Variants in NDUFA10 observed in about 807,000 individuals in gnomAD.
NDUFA10 encodes the protein NADH:ubiquinone oxidoreductase subunit A10, also known as NADH dehydrogenase [ubiquinone] 1 alpha subcomplex subunit 10, mitochondrial.
In NDUFA10, 40 loss-of-function variants were observed where a neutral mutation model predicts 47.8. The observed-to-expected ratio is 0.84, with a 90% CI of 0.65 to 1.09. The LOEUF (loss-of-function observed/expected upper bound fraction) is 1.09. Ranked by LOEUF, NDUFA10 falls within the 50% of genes least tolerant of loss-of-function variation. The pLI, the probability that NDUFA10 is intolerant of heterozygous loss-of-function variation, is 0.00. For missense variants in NDUFA10, 413 were observed against 451.1 expected (o/e 0.92, Z 0.76); for synonymous variants, 183 against 172.2 (o/e 1.06, Z -0.49).
At chr2:239,951,690 A>T (rs1694555462) in intron 4 of NDUFA10, among the ~76,000 whole-genome samples, 1 of 152,216 alleles carries the variant, frequency 6.6e-6, no homozygotes, top group Admixed American at 6.5e-5. Context: ...ATGGCAAGTA[A>T]AAGAAAATGT....
At chr2:239,951,688 TAAAAGA>T (rs906904111) in intron 4 of NDUFA10, among the ~76,000 whole-genome samples, 17 of 152,150 alleles carry the variant, frequency 1.1e-4, no homozygotes, top group Non-Finnish European at 2.4e-4. Flanking sequence ...TAATGGCAAG[TAAAAGA>T]AAATGTATAT....
At chr2:239,898,736 A>G (rs1050008976) in intron 4 of NDUFA10, among the ~76,000 whole-genome samples, 3 of 152,260 alleles carry the variant, frequency 2.0e-5, no homozygotes, top group Admixed American at 6.5e-5. Flanking sequence ...TCAACTCTGC[A>G]TCATCTTGGA....
At position 239,959,501 on chromosome 2, in the gene NDUFA10, G is replaced by A; in HGVS notation, c.*1617C>T. 4.1e-6 allele frequency: 4 copies of A among 985,480 alleles called. No individual in the cohort carries two copies. Among genetic ancestry groups the A allele is most frequent in the Non-Finnish European group, 4.8e-6 (4 of 829,946 alleles). The allele number at this position is 985,480 out of a possible 1,614,324, so 61.0% of individuals were successfully genotyped here. On this transcript the variant is annotated 3_prime_UTR_variant, in exon 10 of 10. Transcript: ENST00000252711. The stretch of plus-strand genomic sequence containing the variant: ...TCTGTGACTGGCCCAATGCCCAGCT[G>A]TGCTTTCATTTCATGATTAAAGCTG...
intron 9 of NDUFA10, chr2:239,969,538 C>T (rs1695226800): frequency 2.5e-6 from 1 of 404,066 alleles, no homozygotes; most frequent in South Asian, 1.8e-5. Context: ...GCCAGCTGTT[C>T]CTGTGGACAT....
chr2:240,004,115 C>T (rs541544998), intron 8 of NDUFA10, among the ~76,000 whole-genome samples: 1 of 152,214 alleles, frequency 6.6e-6, no homozygotes, highest in East Asian at 1.9e-4. Context: ...CCCCAGAAGG[C>T]AGCAGCTGGT....
At chr2:239,976,431 C>A (rs868045500) in intron 9 of NDUFA10, 19 of 152,616 alleles carry the variant, frequency 1.2e-4, no homozygotes, top group South Asian at 4.1e-4. Flanking sequence ...ACTGCCCCCC[C>A]CAAGACTCTA....
At chr2:239,917,424 C>T (rs748525297) in intron 4 of NDUFA10, among the ~76,000 whole-genome samples, 5 of 152,266 alleles carry the variant, frequency 3.3e-5, no homozygotes, top group South Asian at 2.1e-4. Context: ...GATTCCTGTT[C>T]TCTGTAACTA....
At chr2:239,969,362 G>A (rs1695217736) in intron 9 of NDUFA10, 1 of 208,666 alleles carries the variant, frequency 4.8e-6, no homozygotes. Flanking sequence ...AAGTGTGGTG[G>A]CCATGAAAAT....
rs1697471080 is a variant in NDUFA10, at chr2:240,018,629, A to G, written c.471T>C (p.Val157=). 2 of 1,614,066 alleles carry G rather than the reference A, an allele frequency of 1.2e-6. No homozygotes were observed. Among genetic ancestry groups the G allele is most frequent in the Non-Finnish European group, 1.7e-6 (2 of 1,180,038 alleles). ...CACTGAAGATGGAGCGCTCCAACAC[A>G]ACACCTTGTCCTGTTTAAACATAGG... ...LEHLLTTGQG[V]VLERSIFSDF... The change falls in exon 4 of 10, where the codon GTT becomes GTC. Residue 157 remains valine (V), a synonymous_variant. Transcript: ENST00000252711.
chr2:239,994,017 G>A (rs141574739), intron 8 of NDUFA10, among the ~76,000 whole-genome samples: 362 of 152,174 alleles, frequency 2.4e-3, no homozygotes, highest in African/African-American at 8.5e-3. Context: ...TGGCAGGCTC[G>A]AGCTCTCGAG....
intron 9 of NDUFA10, among the ~76,000 whole-genome samples, chr2:239,979,325 CT>C (rs1695671325): frequency 6.8e-6 from 1 of 147,694 alleles, no homozygotes; most frequent in Admixed American, 6.7e-5. Flanking sequence ...CCAGTGCTGG[CT>C]GAACTGGCTC....
chr2:239,963,411 G>A (rs1370725643), intron 9 of NDUFA10, among the ~76,000 whole-genome samples: 2 of 152,124 alleles, frequency 1.3e-5, no homozygotes, highest in African/African-American at 4.8e-5. Flanking sequence ...GACCGCAAGA[G>A]AGGGACGTGA....
intron 4 of NDUFA10, among the ~76,000 whole-genome samples, chr2:239,949,188 C>T (rs1694509099): frequency 6.6e-6 from 1 of 152,242 alleles, no homozygotes; most frequent in Non-Finnish European, 1.5e-5. Context: ...TCTTCCAACA[C>T]TGATACGGAT....
intron 8 of NDUFA10, among the ~76,000 whole-genome samples, chr2:240,000,746 T>G (rs1464901439): frequency 6.6e-6 from 1 of 152,208 alleles, no homozygotes; most frequent in African/African-American, 2.4e-5. Flanking sequence ...TTATTTTTTA[T>G]GTTTAGATAC....
At chr2:239,998,318 C>A (rs1465326620) in intron 8 of NDUFA10, among the ~76,000 whole-genome samples, 1 of 152,210 alleles carries the variant, frequency 6.6e-6, no homozygotes, top group Non-Finnish European at 1.5e-5. Context: ...AGTTCCCTTG[C>A]CCCTCTCTTA....
chr2:239,966,174 T>C (rs184856562), intron 9 of NDUFA10, among the ~76,000 whole-genome samples: 1 of 152,298 alleles, frequency 6.6e-6, no homozygotes, highest in East Asian at 1.9e-4. Flanking sequence ...GAAGGGATTT[T>C]AGACAGTGCA....
chr2:239,916,397 TACAA>T lies in NDUFA10; in HGVS notation c.295-21087_295-21084del, dbSNP rs1210579603. Among the ~76,000 whole-genome samples the T allele has an allele frequency of 3.1e-4, 46 of 149,000 alleles. 1 individual carries two copies. In the South Asian group the frequency reaches 3.2e-3, roughly 10 times the overall value. The stretch of plus-strand genomic sequence containing the variant: ...AGATACACACACACATTGACACACA[TACAA>T]ACACACACAGTAGCGCACACACACA... On this transcript the variant is annotated intron_variant, in intron 4 of 5. Coordinates refer to the NDUFA10 transcript ENST00000419408.
At chr2:239,998,475 A>G (rs1031841752) in intron 8 of NDUFA10, among the ~76,000 whole-genome samples, 3 of 152,216 alleles carry the variant, frequency 2.0e-5, no homozygotes, top group Non-Finnish European at 4.4e-5. Flanking sequence ...CGCCACACAC[A>G]GAGCAGGCCT....
intron 4 of NDUFA10, among the ~76,000 whole-genome samples, chr2:240,015,733 G>A (rs574431275): frequency 3.3e-5 from 5 of 152,374 alleles, no homozygotes; most frequent in African/African-American, 1.2e-4. Flanking sequence ...AGCCAACAGA[G>A]AGTGCACGCC....
Sources: gnomAD v4.1 joint callset for allele counts (sites outside exome capture counted in the v4.1 genomes callset) on GRCh38, gnomAD v4.1.1 for gene constraint, MANE v1.5 for transcripts, NCBI Gene and HGNC (gene_info 2026-07-23, HGNC 2026-07-21) for gene names.